FREM1: variants seen among roughly 807,000 people sequenced by gnomAD.
The protein encoded by FREM1 is FRAS1 related extracellular matrix 1, also known as FRAS1-related extracellular matrix protein 1.
Under a neutral mutation model 210.1 loss-of-function variants are expected in FREM1, and 220 were observed. The ratio of observed to expected loss-of-function variants is 1.05; its 90% CI spans 0.94 to 1.17. FREM1 has a LOEUF of 1.17. FREM1 is among the 50% of genes most tolerant of loss of function. The pLI is 0.00. For missense variants in FREM1, 3,454 were observed against 2,675.5 expected, an observed-to-expected ratio of 1.29 and a Z score of -6.42; for synonymous variants, 1,189 against 980.2, an observed-to-expected ratio of 1.21 and a Z score of -3.98.
rs1490356512 is a variant in FREM1, at chr9:14,858,475, T to C, written c.631+708A>G. Among the ~76,000 whole-genome samples, 3 of 150,874 alleles carry C rather than the reference T, an allele frequency of 2.0e-5. No homozygotes were observed. The East Asian group carries it at 5.9e-4, about 30-fold the overall frequency. ...TCAGCCTCCCAAAGTGCTGGGATTA[T>C]AGGTGTGAGCCACCATGCCCAGCCA... is the stretch of plus-strand genomic sequence containing the variant. On this transcript the variant is annotated intron_variant, in intron 4 of 36. Coordinates refer to ENST00000380880, the MANE Select transcript of FREM1 (RefSeq NM_001379081.2).
At chr9:14,792,519 C>T (rs971157261) in intron 22 of FREM1, among the ~76,000 whole-genome samples, 2 of 152,018 alleles carry the variant, frequency 1.3e-5, no homozygotes, top group African/African-American at 2.4e-5. Flanking sequence ...GATAATCCTA[C>T]GGGAGAGGGA....
rs537812095 is a variant in FREM1 at position 14,748,185 on chromosome 9, A to G, written c.5796+216T>C. ...ATCAAAGAAGAAATCATATGGATGA[A>G]TCAGCATATCTATCACCTCAGTACA... is the stretch of plus-strand genomic sequence containing the variant. On this transcript the variant is annotated intron_variant, in intron 31 of 36. Transcript: ENST00000380880. Among the ~76,000 whole-genome samples, 10 of 152,304 alleles carry G rather than the reference A, an allele frequency of 6.6e-5. 1 individual carries two copies. The East Asian group carries it at 9.6e-4, about 15-fold the overall frequency.
intron 1 of FREM1, among the ~76,000 whole-genome samples, chr9:14,879,680 G>C (rs72713613): frequency 1.3e-4 from 20 of 152,090 alleles, no homozygotes; most frequent in Admixed American, 3.9e-4. Context: ...TCAATTTGAC[G>C]GGATTTCTAC....
chr9:14,845,645 A>C (rs1402249487), intron 8 of FREM1, among the ~76,000 whole-genome samples: 2 of 152,192 alleles, frequency 1.3e-5, no homozygotes, highest in East Asian at 3.8e-4. Context: ...GAAATAAAAA[A>C]CATTCTGTCC....
chr9:14,867,380 G>C (rs922049539), intron 2 of FREM1, among the ~76,000 whole-genome samples: 1 of 152,130 alleles, frequency 6.6e-6, no homozygotes, highest in African/African-American at 2.4e-5. Flanking sequence ...CCAAACACTT[G>C]GGAATACAAT....
intron 35 of FREM1, among the ~76,000 whole-genome samples, chr9:14,740,466 A>C (rs937450379): frequency 6.6e-6 from 1 of 152,184 alleles, no homozygotes; most frequent in Non-Finnish European, 1.5e-5. Context: ...TACAGCAAAA[A>C]ACATCGATAG....
At chr9:14,896,863 C>T (rs1837835978) in intron 1 of FREM1, among the ~76,000 whole-genome samples, 1 of 152,208 alleles carries the variant, frequency 6.6e-6, no homozygotes, top group South Asian at 2.1e-4. Flanking sequence ...GCTGCTCAGA[C>T]ATTCAGAAAA....
chr9:14,799,339 T>C (rs1300683289), intron 20 of FREM1, among the ~76,000 whole-genome samples: 1 of 152,152 alleles, frequency 6.6e-6, no homozygotes, highest in East Asian at 1.9e-4. Flanking sequence ...GGAAGAGTTT[T>C]ATAAACTTTG....
At chr9:14,824,146 T>G in intron 11 of FREM1, 31 bp from the exon 12 acceptor site, 1 of 1,382,104 alleles carries the variant, frequency 7.2e-7, no homozygotes, top group Non-Finnish European at 1.0e-6. Context: ...GCACATCAGC[T>G]CATTTTTAGG....
intron 9 of FREM1, among the ~76,000 whole-genome samples, chr9:14,841,925 A>G (rs1412493314): frequency 6.6e-6 from 1 of 152,210 alleles, no homozygotes; most frequent in Admixed American, 6.5e-5. Flanking sequence ...TACCTACTTT[A>G]AGAAGTAGTT....
rs745629483 is a variant in FREM1 at position 14,784,527 on chromosome 9, G to T, written c.4285C>A (p.Leu1429Met). The change falls in exon 24 of 37, where the codon CTG becomes ATG. Residue 1429 changes from leucine to methionine, a missense_variant. Coordinates refer to ENST00000380880, the MANE Select transcript of FREM1 (RefSeq NM_001379081.2). ...GGAGGGGAGGTGATGACATAGAGCA[G>T]TTCCTCAGGCTTGTCTGTTCCGTCC... ...AVDGTDKPEELLYVITSPPRY... is the reference protein window; with the variant it reads ...AVDGTDKPEEMLYVITSPPRY... 1 of 1,613,808 alleles carries T rather than the reference G, an allele frequency of 6.2e-7. No homozygotes were observed. Among genetic ancestry groups the T allele is most frequent in the East Asian group, 2.2e-5 (1 of 44,844 alleles).
chr9:14,786,273 C>A (rs1165706602), intron 23 of FREM1, among the ~76,000 whole-genome samples: 1 of 152,190 alleles, frequency 6.6e-6, no homozygotes, highest in Non-Finnish European at 1.5e-5. Context: ...AGCACAAGCT[C>A]TTAAACACTG....
chr9:14,855,377 A>C (rs62537679), intron 5 of FREM1, among the ~76,000 whole-genome samples: 22,365 of 152,150 alleles, frequency 0.15, 1,948 homozygotes, highest in Middle Eastern at 0.21. Context: ...ATATAATAAA[A>C]TTGTATTTGA....
chr9:14,905,818 G>T (rs530943403), intron 1 of FREM1, among the ~76,000 whole-genome samples: 126 of 152,224 alleles, frequency 8.3e-4, no homozygotes, highest in African/African-American at 2.9e-3. Flanking sequence ...TTGAACCAGG[G>T]AGGCAGAGGT....
intron 24 of FREM1, among the ~76,000 whole-genome samples, chr9:14,780,502 G>A (rs924532406): frequency 1.1e-4 from 16 of 147,704 alleles, no homozygotes; most frequent in African/African-American, 3.7e-4. Flanking sequence ...TTTAGTACCC[G>A]GCTGCCAGCA....
intron 1 of FREM1, among the ~76,000 whole-genome samples, chr9:14,882,935 A>C (rs1588574996): frequency 6.7e-6 from 1 of 150,020 alleles, no homozygotes; most frequent in Admixed American, 6.7e-5. Flanking sequence ...AAAAGGAATC[A>C]CCCATCTTGC....
At chr9:14,757,249 A>T (rs1182137789) in intron 28 of FREM1, among the ~76,000 whole-genome samples, 3 of 152,164 alleles carry the variant, frequency 2.0e-5, no homozygotes, top group Admixed American at 6.5e-5. Context: ...AAGGGTGCCC[A>T]AACACATGTT....
At chr9:14,779,761 A>G (rs557976392) in intron 24 of FREM1, among the ~76,000 whole-genome samples, 1 of 152,332 alleles carries the variant, frequency 6.6e-6, no homozygotes, top group Non-Finnish European at 1.5e-5. Flanking sequence ...ACAGAAGAGT[A>G]AGAAATATGT....
rs767899507 is a variant in FREM1, at chr9:14,769,837, C to G, written c.5091G>C (p.Lys1697Asn). Residue 1697 changes from lysine to asparagine, a missense_variant, in exon 27 of 37, where the codon AAG becomes AAC. Physicochemically the swap from Lys to Asn is moderately conservative, Grantham distance 94. Transcript: ENST00000380880. ...GEFIHEKFSQ[K>N]DLNSKTILYI... is the part of the protein sequence containing the mutation. ...AAAGAATAGTCTTACTGTTTAAGTC[C>G]TTTTGGCTAAATTTCTCATGGATAA... The G allele has an allele frequency of 6.4e-7, 1 of 1,571,080 alleles. No homozygotes were observed. The highest frequency in any genetic ancestry group is 8.6e-7 in the Non-Finnish European group (1 of 1,156,898).
Sources: gnomAD v4.1 joint callset for allele counts (sites outside exome capture counted in the v4.1 genomes callset) on GRCh38, gnomAD v4.1.1 for gene constraint, MANE v1.5 for transcripts, NCBI Gene and HGNC (gene_info 2026-07-23, HGNC 2026-07-21) for gene names.